ZNF804A: variants seen among roughly 807,000 people sequenced by gnomAD.
ZNF804A encodes the protein zinc finger protein 804A.
Under a neutral mutation model 16.5 loss-of-function variants are expected in ZNF804A, and 2 were observed. The observed-to-expected ratio is 0.12, with a 90% confidence interval of 0.05 to 0.38. The LOEUF (loss-of-function observed/expected upper bound fraction) is 0.38, where lower values mean the gene tolerates loss of function less well. Ranked by LOEUF, ZNF804A falls within the 10% of genes least tolerant of loss-of-function variation. ZNF804A has a pLI of 0.99. For synonymous variants in ZNF804A, 534 were observed against 489.6 expected (o/e 1.09, Z -1.20); for missense variants, 1,473 against 1,390.7 (o/e 1.06, Z -0.94).
In ZNF804A at chr2:184,740,997, A is replaced by G. The variant is rs115906532; in HGVS notation, c.112-125372A>G. On this transcript the variant is annotated intron_variant, in intron 1 of 3. Transcript: ENST00000302277. ...TAATAGATGTCGGTTGTAAAATTAT[A>G]AAGATTAGAATTAAAGTAATTTTAA... Among the ~76,000 whole-genome samples the G allele has an allele frequency of 4.0e-3, 604 of 152,284 alleles. 12 individuals are homozygous for G. Among genetic ancestry groups the G allele is most frequent in the African/African-American group, 0.013 (549 of 41,570 alleles).
chr2:184,818,920 T>C (rs950315766), intron 1 of ZNF804A, among the ~76,000 whole-genome samples: 2 of 152,074 alleles, frequency 1.3e-5, no homozygotes, highest in Admixed American at 6.6e-5. Flanking sequence ...AGGAAGTTCT[T>C]AGAGACCTAC....
intron 1 of ZNF804A, among the ~76,000 whole-genome samples, chr2:184,706,564 G>A (rs1559131130): frequency 6.6e-6 from 1 of 152,134 alleles, no homozygotes; most frequent in Non-Finnish European, 1.5e-5. Context: ...AGATGACTGA[G>A]CCTCTGGCTT....
intron 1 of ZNF804A, among the ~76,000 whole-genome samples, chr2:184,646,841 C>T (rs1038623243): frequency 2.6e-5 from 4 of 152,232 alleles, no homozygotes; most frequent in Non-Finnish European, 4.4e-5. Context: ...ACTGGTGTTT[C>T]CTCCTGCCAT....
At chr2:184,651,633 A>G (rs1454947351) in intron 1 of ZNF804A, among the ~76,000 whole-genome samples, 1 of 152,140 alleles carries the variant, frequency 6.6e-6, no homozygotes, top group Admixed American at 6.6e-5. Context: ...TAGGCAAAAA[A>G]TAGGAACAGA....
At chr2:184,928,928 A>G (rs1234656876) in intron 2 of ZNF804A, among the ~76,000 whole-genome samples, 1 of 152,182 alleles carries the variant, frequency 6.6e-6, no homozygotes, top group African/African-American at 2.4e-5. Context: ...GAAGGGAGGC[A>G]TTGGCTATTC....
At chr2:184,924,350 A>G (rs1299688567) in intron 2 of ZNF804A, among the ~76,000 whole-genome samples, 2 of 151,784 alleles carry the variant, frequency 1.3e-5, no homozygotes, top group African/African-American at 4.8e-5. Flanking sequence ...ATATATTTAC[A>G]TGTAGTTGCT....
At chr2:184,760,025 C>T (rs1036004049) in intron 1 of ZNF804A, among the ~76,000 whole-genome samples, 2 of 152,078 alleles carry the variant, frequency 1.3e-5, no homozygotes, top group African/African-American at 4.8e-5. Flanking sequence ...TCGCTGAGTC[C>T]GCCCTTAGTA....
rs184709357 is a variant in ZNF804A at position 184,906,919 on chromosome 2, G to A, written c.256-26684G>A. Among the ~76,000 whole-genome samples the A allele has an allele frequency of 3.4e-3, 516 of 152,286 alleles. 3 individuals carry two copies. The highest frequency in any genetic ancestry group is 0.012 in the African/African-American group (488 of 41,562). ...GAAATTCCCCAGTGCTGGCTTTGAA[G>A]ATGGAAGGAGCAACATAACAAAGAA... On this transcript the variant is annotated intron_variant, in intron 2 of 3. Coordinates refer to ENST00000302277, the MANE Select transcript of ZNF804A (RefSeq NM_194250.2).
At chr2:184,676,189 A>G (rs917486721) in intron 1 of ZNF804A, among the ~76,000 whole-genome samples, 1 of 151,722 alleles carries the variant, frequency 6.6e-6, no homozygotes, top group African/African-American at 2.4e-5. Flanking sequence ...TTCCATTTTA[A>G]TGAAAATATA....
At chr2:184,633,518 T>C (rs987566443) in intron 1 of ZNF804A, among the ~76,000 whole-genome samples, 6 of 152,176 alleles carry the variant, frequency 3.9e-5, no homozygotes, top group African/African-American at 1.4e-4. Context: ...ATAAAAGTAG[T>C]TAATGACTTA....
chr2:184,736,239 T>C, intron 1 of ZNF804A, among the ~76,000 whole-genome samples: 1 of 152,158 alleles, frequency 6.6e-6, no homozygotes, highest in East Asian at 1.9e-4. Context: ...TACCAATTTC[T>C]TAGGCTAGCA....
intron 1 of ZNF804A, among the ~76,000 whole-genome samples, chr2:184,671,647 A>C (rs538885284): frequency 6.6e-6 from 1 of 152,280 alleles, no homozygotes; most frequent in African/African-American, 2.4e-5. Flanking sequence ...CCTTTATTAA[A>C]CTTGATATTG....
At chr2:184,741,425 T>A (rs1221949046) in intron 1 of ZNF804A, among the ~76,000 whole-genome samples, 1 of 152,162 alleles carries the variant, frequency 6.6e-6, no homozygotes, top group Non-Finnish European at 1.5e-5. Flanking sequence ...TTATTGGGGA[T>A]TCATCAACAC....
intron 2 of ZNF804A, among the ~76,000 whole-genome samples, chr2:184,928,824 G>C (rs529491216): frequency 2.6e-5 from 4 of 152,264 alleles, no homozygotes; most frequent in African/African-American, 9.6e-5. Flanking sequence ...AAAGCACTGA[G>C]TTCAACATAA....
intron 1 of ZNF804A, among the ~76,000 whole-genome samples, chr2:184,634,905 G>A (rs1691671029): frequency 6.6e-6 from 1 of 151,922 alleles, no homozygotes; most frequent in African/African-American, 2.4e-5. Flanking sequence ...TGTTTATATT[G>A]GTCATTGAAA....
chr2:184,910,681 G>A (rs1685342453), intron 2 of ZNF804A, among the ~76,000 whole-genome samples: 1 of 152,060 alleles, frequency 6.6e-6, no homozygotes, highest in African/African-American at 2.4e-5. Flanking sequence ...ACTGGTACGA[G>A]ATGGTATATC....
chr2:184,801,333 C>G (rs1233677917), intron 1 of ZNF804A, among the ~76,000 whole-genome samples: 2 of 152,104 alleles, frequency 1.3e-5, no homozygotes, highest in Non-Finnish European at 2.9e-5. Flanking sequence ...GATTTGTTAT[C>G]TGTCAAAATT....
chr2:184,878,629 AT>A (rs1425093101), intron 2 of ZNF804A, among the ~76,000 whole-genome samples: 1 of 152,092 alleles, frequency 6.6e-6, no homozygotes, highest in African/African-American at 2.4e-5. Context: ...TAAATTATGT[AT>A]TTAAAATATG....
chr2:184,670,421 C>A (rs1692323989), intron 1 of ZNF804A, among the ~76,000 whole-genome samples: 1 of 151,910 alleles, frequency 6.6e-6, no homozygotes, highest in African/African-American at 2.4e-5. Context: ...CATGTTAGAG[C>A]CTGTCAGTTT....
Sources: allele counts gnomAD v4.1 joint callset (sites outside exome capture counted in the v4.1 genomes callset), GRCh38; gene constraint gnomAD v4.1.1; transcripts MANE v1.5; gene names NCBI Gene and HGNC (gene_info 2026-07-23, HGNC 2026-07-21).